Variants in TSPAN12 observed in about 807,000 individuals in gnomAD.
TSPAN12 encodes the protein tetraspanin 12.
In TSPAN12, 19 loss-of-function variants were observed where a neutral mutation model predicts 39.2. The observed-to-expected ratio is 0.49, with a 90% CI of 0.34 to 0.71. The LOEUF (loss-of-function observed/expected upper bound fraction) is 0.71, where lower values mean the gene tolerates loss of function less well. Among genes scored for constraint, TSPAN12 ranks in the 30% least tolerant of loss-of-function variants. The pLI, the probability that TSPAN12 is intolerant of heterozygous loss-of-function variation, is 0.01. For synonymous variants in TSPAN12, 119 were observed against 124.8 expected, an observed-to-expected ratio of 0.95 and a Z score of 0.31; for missense variants, 314 against 359.9, an observed-to-expected ratio of 0.87 and a Z score of 1.03.
chr7:120,790,024 G>A (rs906668084), intron 7 of TSPAN12, among the ~76,000 whole-genome samples: 1 of 152,066 alleles, frequency 6.6e-6, no homozygotes, highest in Non-Finnish European at 1.5e-5. Context: ...AATCTTTCGT[G>A]CCCTGTGTAA....
Position 120,844,336 on chromosome 7 carries a change from C to T in TSPAN12, c.67-4227G>A, listed in dbSNP as rs143253532. Reference sequence around the variant, plus strand: ...ATGTCCTTTTCACATTCCAAAATACCATCATGCCTTTCCAACAGTCCCCCA... The same window carrying T: ...ATGTCCTTTTCACATTCCAAAATACTATCATGCCTTTCCAACAGTCCCCCA... On this transcript the variant is annotated intron_variant, in intron 2 of 7. Transcript: ENST00000222747. Among the ~76,000 whole-genome samples, 140 of 152,266 alleles carry T rather than the reference C, an allele frequency of 9.2e-4. 3 individuals are homozygous for T. The East Asian group carries it at 0.022, about 24-fold the overall frequency.
intron 2 of TSPAN12, among the ~76,000 whole-genome samples, chr7:120,855,405 G>A (rs1794852456): frequency 6.6e-6 from 1 of 152,128 alleles, no homozygotes; most frequent in Non-Finnish European, 1.5e-5. Context: ...GCACAATGTA[G>A]AAAAGTGAAA....
At chr7:120,834,991 C>A (rs890212973) in intron 4 of TSPAN12, among the ~76,000 whole-genome samples, 1 of 152,184 alleles carries the variant, frequency 6.6e-6, no homozygotes, top group African/African-American at 2.4e-5. Flanking sequence ...CTCATCACTG[C>A]CTTCCAGGCA....
At chr7:120,855,580 G>A (rs1055867426) in intron 2 of TSPAN12, among the ~76,000 whole-genome samples, 1 of 152,152 alleles carries the variant, frequency 6.6e-6, no homozygotes, top group African/African-American at 2.4e-5. Context: ...TTTCCAAATG[G>A]TGAATTTAAC....
chr7:120,850,220 C>T (rs1015028915), intron 2 of TSPAN12, among the ~76,000 whole-genome samples: 1 of 152,146 alleles, frequency 6.6e-6, no homozygotes, highest in African/African-American at 2.4e-5. Context: ...CTGTTCTGAC[C>T]GATAGTTTTT....
intron 7 of TSPAN12, among the ~76,000 whole-genome samples, chr7:120,793,560 A>T (rs1219201864): frequency 6.6e-6 from 1 of 152,208 alleles, no homozygotes; most frequent in Non-Finnish European, 1.5e-5. Context: ...GTAACTCCTC[A>T]AACAAGGCAG....
chr7:120,799,602 A>T (rs1374569111), intron 7 of TSPAN12, among the ~76,000 whole-genome samples: 17 of 118,632 alleles, frequency 1.4e-4, no homozygotes, highest in African/African-American at 3.8e-4. Context: ...ATAATTATAT[A>T]TAATTATATA....
At chr7:120,798,533 A>T (rs770550371) in intron 7 of TSPAN12, among the ~76,000 whole-genome samples, 2 of 152,194 alleles carry the variant, frequency 1.3e-5, no homozygotes, top group Non-Finnish European at 2.9e-5. Flanking sequence ...CTGAGAACAA[A>T]GTTTCATTAT....
chr7:120,829,179 T>C (rs528839998), intron 4 of TSPAN12, among the ~76,000 whole-genome samples: 5 of 152,316 alleles, frequency 3.3e-5, no homozygotes, highest in Admixed American at 1.3e-4. Context: ...GTTTCTGTCA[T>C]CTAAGCTGAG....
chr7:120,834,492 A>G (rs547167907), intron 4 of TSPAN12, among the ~76,000 whole-genome samples: 58 of 152,262 alleles, frequency 3.8e-4, no homozygotes, highest in African/African-American at 1.3e-3. Flanking sequence ...ACCTGTTTTG[A>G]GGAAGGCTCA....
chr7:120,803,758 C>T (rs1335268859), intron 7 of TSPAN12, among the ~76,000 whole-genome samples: 2 of 152,250 alleles, frequency 1.3e-5, no homozygotes, highest in Admixed American at 1.3e-4. Context: ...GGGCTATCAA[C>T]TTGCACATGC....
Position 120,788,841 on chromosome 7 carries a change from C to T in TSPAN12, c.669G>A (p.Leu223=). 6.2e-7 allele frequency: 1 copy of T among 1,614,148 alleles called. No homozygotes were observed. Residue 223 remains leucine, a synonymous_variant, in exon 8 of 8, where the codon CTG becomes CTA. Transcript: ENST00000222747. The part of the protein sequence containing the change: ...FLRGTKQLQV[L]RFLGISIGVT... ...CCCCAATGGAGATTCCCAGAAACCT[C>T]AGCACCTGCAGTTGTTTGGTTCCTC...
At chr7:120,803,220 T>C (rs534004634) in intron 7 of TSPAN12, among the ~76,000 whole-genome samples, 5 of 152,312 alleles carry the variant, frequency 3.3e-5, no homozygotes, top group Non-Finnish European at 7.4e-5. Flanking sequence ...TGATTCAAAA[T>C]TTCCTTCCTG....
chr7:120,858,220 A>G (rs778343318), upstream of TSPAN12: 1 of 152,276 alleles, frequency 6.6e-6, no homozygotes, highest in Non-Finnish European at 1.5e-5. Context: ...AGAGTCCCCA[A>G]AGGGACGCTT....
intron 7 of TSPAN12, among the ~76,000 whole-genome samples, chr7:120,796,922 G>A (rs549166355): frequency 5.3e-5 from 8 of 152,268 alleles, no homozygotes; most frequent in South Asian, 4.1e-4. Flanking sequence ...TTGGGAGGCC[G>A]AGGCAGGCGG....
chr7:120,815,855 C>T (rs552708182), intron 4 of TSPAN12, 52 bp from the exon 5 acceptor site: 4 of 1,500,264 alleles, frequency 2.7e-6, no homozygotes, highest in East Asian at 2.4e-5. Context: ...AAAATAGGCT[C>T]CTCAAAGACA....
At chr7:120,840,331 C>CAAT (rs1455357217) in intron 2 of TSPAN12, among the ~76,000 whole-genome samples, 6 of 152,128 alleles carry the variant, frequency 3.9e-5, no homozygotes, top group Non-Finnish European at 1.5e-5. Context: ...GAAAACAAAA[C>CAAT]TATTAAGTGG....
chr7:120,836,283 G>A (rs1307140687), intron 4 of TSPAN12, among the ~76,000 whole-genome samples: 1 of 152,178 alleles, frequency 6.6e-6, no homozygotes, highest in Non-Finnish European at 1.5e-5. Context: ...TCTTTAGCAA[G>A]AAGGAAGCTG....
At chr7:120,848,633 A>G (rs567381919) in intron 2 of TSPAN12, among the ~76,000 whole-genome samples, 6 of 152,336 alleles carry the variant, frequency 3.9e-5, no homozygotes, top group East Asian at 1.9e-4. Flanking sequence ...CTCTGTCCCA[A>G]TGTTTTTTTT....
Sources: gnomAD v4.1 joint callset for allele counts (sites outside exome capture counted in the v4.1 genomes callset) on GRCh38, gnomAD v4.1.1 for gene constraint, MANE v1.5 for transcripts, NCBI Gene and HGNC (gene_info 2026-07-23, HGNC 2026-07-21) for gene names.